The following ZNF804A variants were observed in gnomAD, a reference collection of about 807,000 sequenced individuals.
ZNF804A encodes the protein zinc finger protein 804A.
In ZNF804A, 2 loss-of-function variants were observed where a neutral mutation model predicts 16.5. The observed-to-expected ratio is 0.12, with a 90% confidence interval of 0.05 to 0.38. The LOEUF is 0.38. Among genes scored for constraint, ZNF804A ranks in the 10% least tolerant of loss-of-function variants. The probability of loss-of-function intolerance (pLI) is 0.99; values close to 1 mark genes in which losing one functional copy is unlikely to be tolerated. For missense variants in ZNF804A, 1,473 were observed against 1,390.7 expected, an observed-to-expected ratio of 1.06 and a Z score of -0.94; for synonymous variants, 534 against 489.6, an observed-to-expected ratio of 1.09 and a Z score of -1.20.
intron 1 of ZNF804A, among the ~76,000 whole-genome samples, chr2:184,637,857 G>C (rs1420981697): frequency 2.0e-5 from 3 of 152,070 alleles, no homozygotes; most frequent in Non-Finnish European, 4.4e-5. Flanking sequence ...TTCTAATCCA[G>C]TCCTCACACA....
Position 184,938,990 on chromosome 2 carries a change from A to G in ZNF804A, c.3594A>G (p.Pro1198=), listed in dbSNP as rs1328862409. 4.3e-6 allele frequency: 7 copies of G among 1,613,774 alleles called. No homozygotes were observed. The highest frequency in any genetic ancestry group is 5.9e-6 in the Non-Finnish European group (7 of 1,179,938). The change falls in exon 4 of 4, where the codon CCA becomes CCG. Residue 1198 remains proline (P), a synonymous_variant. Transcript: ENST00000302277. ...CACTCTTTCCTTCACTGCTTTCCCC[A>G]CACCCTACTGTCATCCCTTTGCAAC... ...PHALFPSLLS[P]HPTVIPLQPL...
chr2:184,673,398 C>T (rs1168502028), intron 1 of ZNF804A, among the ~76,000 whole-genome samples: 1 of 152,174 alleles, frequency 6.6e-6, no homozygotes, highest in Non-Finnish European at 1.5e-5. Context: ...ATTCAAGTTA[C>T]ACATTTACCA....
rs536485875 is a variant in ZNF804A at position 184,852,330 on chromosome 2, A to C, written c.112-14039A>C. Among the ~76,000 whole-genome samples the C allele has an allele frequency of 2.6e-5, 4 of 151,314 alleles. No individual in the cohort carries two copies. In the South Asian group the frequency reaches 8.3e-4, roughly 31 times the overall value. On this transcript the variant is annotated intron_variant, in intron 1 of 3. Coordinates refer to ENST00000302277, the MANE Select transcript of ZNF804A (RefSeq NM_194250.2). ...GGATGGTTGACCATCAGTAACTGAAACTACTGAAAGCAAAACTATGGATAA... is the reference window on the plus strand; with the variant it reads ...GGATGGTTGACCATCAGTAACTGAACCTACTGAAAGCAAAACTATGGATAA...
In ZNF804A at chr2:184,933,622, A is replaced by G. The variant is rs1039555711; in HGVS notation, c.275A>G (p.Gln92Arg). 1 of 1,603,658 alleles carries G rather than the reference A, an allele frequency of 6.2e-7. No individual in the cohort carries two copies. The highest frequency in any genetic ancestry group is 8.5e-7 in the Non-Finnish European group (1 of 1,176,936). The change falls in exon 3 of 4, where the codon CAA becomes CGA. Residue 92 changes from glutamine to arginine, a missense_variant. By Grantham distance (43) the Gln-to-Arg change is conservative. Coordinates refer to ENST00000302277, the MANE Select transcript of ZNF804A (RefSeq NM_194250.2). ...AHKQRLKELK[Q>R]REFARNVASK... The stretch of plus-strand genomic sequence containing the variant: ...TAACAGAGGCTCAAGGAACTGAAAC[A>G]AAGGGAATTTGCTCGAAATGTAGCA...
At chr2:184,770,291 C>T (rs1336199959) in intron 1 of ZNF804A, among the ~76,000 whole-genome samples, 4 of 152,148 alleles carry the variant, frequency 2.6e-5, no homozygotes, top group African/African-American at 7.2e-5. Context: ...ACCCAAACTG[C>T]CCAGAGTACT....
intron 1 of ZNF804A, among the ~76,000 whole-genome samples, chr2:184,681,105 G>T (rs1692531465): frequency 6.6e-6 from 1 of 152,204 alleles, no homozygotes; most frequent in Non-Finnish European, 1.5e-5. Flanking sequence ...CTTGGAAGGT[G>T]CAAGATCCAG....
At chr2:184,812,416 C>T (rs983342237) in intron 1 of ZNF804A, among the ~76,000 whole-genome samples, 3 of 151,946 alleles carry the variant, frequency 2.0e-5, no homozygotes, top group Non-Finnish European at 2.9e-5. Context: ...TTAATAGTTT[C>T]GGTGAAGATA....
At chr2:184,900,942 A>G (rs1453348030) in intron 2 of ZNF804A, among the ~76,000 whole-genome samples, 1 of 152,162 alleles carries the variant, frequency 6.6e-6, no homozygotes, top group Non-Finnish European at 1.5e-5. Flanking sequence ...TAGGACTTCA[A>G]TGCAACCTAG....
At chr2:184,627,640 T>A (rs1691527269) in intron 1 of ZNF804A, among the ~76,000 whole-genome samples, 1 of 152,204 alleles carries the variant, frequency 6.6e-6, no homozygotes, top group African/African-American at 2.4e-5. Context: ...AAATCTTACA[T>A]GTGTATGGTA....
At chr2:184,889,036 A>T (rs1160396502) in intron 2 of ZNF804A, among the ~76,000 whole-genome samples, 1 of 152,090 alleles carries the variant, frequency 6.6e-6, no homozygotes, top group Admixed American at 6.5e-5. Flanking sequence ...TTTTAGATAG[A>T]CATCATTTTG....
intron 1 of ZNF804A, among the ~76,000 whole-genome samples, chr2:184,806,527 G>T (rs1694806501): frequency 6.6e-6 from 1 of 151,736 alleles, no homozygotes; most frequent in Non-Finnish European, 1.5e-5. Flanking sequence ...TGATGAGCAA[G>T]AAATATTTTT....
chr2:184,713,936 A>G (rs1335123900), intron 1 of ZNF804A, among the ~76,000 whole-genome samples: 4 of 152,012 alleles, frequency 2.6e-5, no homozygotes, highest in African/African-American at 9.7e-5. Flanking sequence ...AAGTAAGGTC[A>G]TTTTGAGATC....
At chr2:184,694,904 A>T (rs888040953) in intron 1 of ZNF804A, among the ~76,000 whole-genome samples, 2 of 152,166 alleles carry the variant, frequency 1.3e-5, no homozygotes, top group African/African-American at 2.4e-5. Context: ...TCTGTGGGGA[A>T]GTTCTGTTCC....
intron 2 of ZNF804A, among the ~76,000 whole-genome samples, chr2:184,901,413 C>T (rs910070624): frequency 6.6e-6 from 1 of 152,080 alleles, no homozygotes; most frequent in African/African-American, 2.4e-5. Context: ...TCAAAGTCAT[C>T]CACTGCAAAA....
At chr2:184,732,090 ATGTTTTATTTGG>A (rs1693529804) in intron 1 of ZNF804A, among the ~76,000 whole-genome samples, 1 of 151,860 alleles carries the variant, frequency 6.6e-6, no homozygotes, top group Non-Finnish European at 1.5e-5. Context: ...TCCTTTGTGG[ATGTTTTATTTGG>A]TGTTATGTCC....
chr2:184,767,581 T>A lies in ZNF804A; in HGVS notation c.112-98788T>A, dbSNP rs148063254. 1.3e-4 allele frequency among the ~76,000 whole-genome samples: 20 copies of A among 152,238 alleles called. No individual in the cohort carries two copies. The East Asian group carries it at 3.7e-3, about 28-fold the overall frequency. ...GCTTCAAAATGGCTAAGGTGGTAAA[T>A]TTTATGTTACATATATTTGCCACAA... is the stretch of plus-strand genomic sequence containing the variant. On this transcript the variant is annotated intron_variant, in intron 1 of 3. Coordinates refer to ENST00000302277, the MANE Select transcript of ZNF804A (RefSeq NM_194250.2).
intron 1 of ZNF804A, among the ~76,000 whole-genome samples, chr2:184,631,416 G>T (rs1691607299): frequency 1.3e-5 from 2 of 152,088 alleles, no homozygotes; most frequent in South Asian, 2.1e-4. Flanking sequence ...AAAATGTTAT[G>T]CCGGCTTCAT....
intron 2 of ZNF804A, among the ~76,000 whole-genome samples, chr2:184,879,390 C>T (rs564357373): frequency 1.1e-3 from 163 of 152,026 alleles, no homozygotes; most frequent in Non-Finnish European, 1.8e-3. Flanking sequence ...TTCCAATAAA[C>T]ATTTCTTTCT....
intron 1 of ZNF804A, among the ~76,000 whole-genome samples, chr2:184,782,815 CT>C (rs1261388721): frequency 7.4e-6 from 1 of 135,848 alleles, no homozygotes; most frequent in Non-Finnish European, 1.6e-5. Flanking sequence ...GATTCTTAGT[CT>C]CTGAAGTTTA....
Sources: allele counts gnomAD v4.1 joint callset (sites outside exome capture counted in the v4.1 genomes callset), GRCh38; gene constraint gnomAD v4.1.1; transcripts MANE v1.5; gene names NCBI Gene and HGNC (gene_info 2026-07-23, HGNC 2026-07-21).